The following CALN1 variants were observed in gnomAD, a reference collection of about 807,000 sequenced individuals.
CALN1 encodes calneuron 1.
Under a neutral mutation model 30.6 loss-of-function variants are expected in CALN1, and 17 were observed. The ratio of observed to expected loss-of-function variants is 0.56; its 90% CI spans 0.38 to 0.83. The LOEUF (loss-of-function observed/expected upper bound fraction) is 0.83, where lower values mean the gene tolerates loss of function less well. CALN1 is among the 40% of genes least tolerant of loss of function. The pLI, the probability that CALN1 is intolerant of heterozygous loss-of-function variation, is 0.00. For synonymous variants in CALN1, 156 were observed against 131.4 expected (o/e 1.19, Z -1.28); for missense variants, 291 against 354.9 (o/e 0.82, Z 1.45).
chr7:72,388,953 G>C lies in CALN1; in HGVS notation c.119+14298C>G, dbSNP rs79777147. On this transcript the variant is annotated intron_variant, in intron 2 of 6. Transcript: ENST00000395275. The stretch of plus-strand genomic sequence containing the variant: ...AGCTCTGTGTGGCTGCAGATCGCTG[G>C]GTCTCTATTTTGCCCTCTCTCTAGA... 9.5e-3 allele frequency among the ~76,000 whole-genome samples: 1,450 copies of C among 152,200 alleles called. 23 individuals are homozygous for C. Among genetic ancestry groups the C allele is most frequent in the African/African-American group, 0.033 (1,388 of 41,524 alleles).
chr7:72,144,289 A>G (rs1810183703), intron 3 of CALN1, among the ~76,000 whole-genome samples: 1 of 152,200 alleles, frequency 6.6e-6, no homozygotes, highest in Non-Finnish European at 1.5e-5. Context: ...AGATCTACCA[A>G]GCAAATGGAA....
At chr7:72,308,370 G>C (rs367612510) in intron 2 of CALN1, among the ~76,000 whole-genome samples, 4 of 90,312 alleles carry the variant, frequency 4.4e-5, no homozygotes, top group Middle Eastern at 5.2e-3. Context: ...TCTGTGGGGG[G>C]GGGAGAGAGA....
intron 4 of CALN1, among the ~76,000 whole-genome samples, chr7:72,040,419 T>C (rs1802055667): frequency 6.6e-6 from 1 of 152,228 alleles, no homozygotes; most frequent in African/African-American, 2.4e-5. Flanking sequence ...TGGGAAGTTG[T>C]GGCTGTAGTG....
intron 5 of CALN1, among the ~76,000 whole-genome samples, chr7:71,912,474 C>T (rs764286334): frequency 2.8e-4 from 42 of 152,076 alleles, no homozygotes; most frequent in Non-Finnish European, 5.0e-4. Context: ...ACACAGAAAC[C>T]GGCCACACAC....
chr7:72,374,728 A>G (rs1354332627), intron 2 of CALN1, among the ~76,000 whole-genome samples: 3 of 152,166 alleles, frequency 2.0e-5, no homozygotes, highest in African/African-American at 7.2e-5. Flanking sequence ...ATTATATCCA[A>G]AATTGTTCTG....
chr7:72,323,472 C>G (rs1004469044), intron 2 of CALN1, among the ~76,000 whole-genome samples: 3 of 151,904 alleles, frequency 2.0e-5, no homozygotes, highest in Non-Finnish European at 4.4e-5. Flanking sequence ...CCAGCCTGGC[C>G]AACATAGTGA....
chr7:72,386,554 G>T (rs956423), intron 2 of CALN1, among the ~76,000 whole-genome samples: 4,354 of 152,214 alleles, frequency 0.029, 188 homozygotes, highest in African/African-American at 0.098. Flanking sequence ...ACTGAAGTGG[G>T]GGTTTCCAGT....
upstream of CALN1, among the ~76,000 whole-genome samples, chr7:72,417,200 G>A (rs148129393): frequency 3.5e-4 from 53 of 152,266 alleles, no homozygotes; most frequent in East Asian, 5.2e-3. Flanking sequence ...CTCGCCTCCC[G>A]AGGGAGGACA....
intron 6 of CALN1, among the ~76,000 whole-genome samples, chr7:71,806,768 T>C (rs578215511): frequency 6.6e-6 from 1 of 152,304 alleles, no homozygotes; most frequent in South Asian, 2.1e-4. Flanking sequence ...TTCCACATCC[T>C]GATGGTTTCA....
intron 3 of CALN1, among the ~76,000 whole-genome samples, chr7:72,264,757 T>C (rs1796499871): frequency 6.6e-6 from 1 of 152,178 alleles, no homozygotes; most frequent in Non-Finnish European, 1.5e-5. Context: ...AGGGGTTTGC[T>C]GTACAGGGTT....
chr7:72,188,170 C>A (rs1262284728), intron 3 of CALN1, among the ~76,000 whole-genome samples: 1 of 151,796 alleles, frequency 6.6e-6, no homozygotes, highest in South Asian at 2.1e-4. Flanking sequence ...GATACTGGCA[C>A]ACGCATGTTT....
intron 2 of CALN1, among the ~76,000 whole-genome samples, chr7:72,327,275 C>G (rs1335295967): frequency 6.6e-6 from 1 of 152,176 alleles, no homozygotes; most frequent in Non-Finnish European, 1.5e-5. Context: ...GGGAGAATCA[C>G]TTGAGGTCAG....
chr7:71,923,013 C>T (rs1230981489), intron 5 of CALN1, among the ~76,000 whole-genome samples: 1 of 148,922 alleles, frequency 6.7e-6, no homozygotes, highest in African/African-American at 2.5e-5. Context: ...CTATACTATA[C>T]TATACTATAC....
rs1481345736 is a variant in CALN1 at position 71,914,090 on chromosome 7, G to A, written c.502-103598C>T. Among the ~76,000 whole-genome samples, 3 of 152,256 alleles carry A rather than the reference G, an allele frequency of 2.0e-5. No homozygotes were observed. The East Asian group carries it at 5.8e-4, about 29-fold the overall frequency. ...TTTTAAATTCCGGGGTAAAAGTGCA[G>A]GTTTGTTACATAGGTAAGCTTGTGT... On this transcript the variant is annotated intron_variant, in intron 5 of 6. Coordinates refer to ENST00000395275, the MANE Select transcript of CALN1 (RefSeq NM_031468.4).
At chr7:71,827,098 C>A (rs1419589898) in intron 5 of CALN1, among the ~76,000 whole-genome samples, 1 of 152,196 alleles carries the variant, frequency 6.6e-6, no homozygotes, top group African/African-American at 2.4e-5. Context: ...AGAGCCTGGG[C>A]TCTGTGGAAG....
At chr7:72,420,017 G>T (rs1807555138) in intron 1 of CALN1, among the ~76,000 whole-genome samples, 1 of 152,112 alleles carries the variant, frequency 6.6e-6, no homozygotes, top group South Asian at 2.1e-4. Flanking sequence ...AAGAACTCGG[G>T]TGTCAAAAAG....
At chr7:72,065,918 A>G (rs1803991835) in intron 4 of CALN1, among the ~76,000 whole-genome samples, 1 of 152,094 alleles carries the variant, frequency 6.6e-6, no homozygotes, top group Non-Finnish European at 1.5e-5. Context: ...AAAGAAAAAA[A>G]GAAACAGCAA....
intron 5 of CALN1, among the ~76,000 whole-genome samples, chr7:71,822,796 A>G (rs1389140452): frequency 2.2e-4 from 33 of 152,116 alleles, no homozygotes. Flanking sequence ...TTAATTTGAG[A>G]TTTATGATGA....
chr7:72,303,733 G>T (rs1047488357), intron 2 of CALN1, among the ~76,000 whole-genome samples: 3 of 151,936 alleles, frequency 2.0e-5, no homozygotes, highest in African/African-American at 7.3e-5. Flanking sequence ...CACTAGGTGG[G>T]GTGTGCTGGC....
Sources: allele counts gnomAD v4.1 joint callset (sites outside exome capture counted in the v4.1 genomes callset), GRCh38; gene constraint gnomAD v4.1.1; transcripts MANE v1.5; gene names NCBI Gene and HGNC (gene_info 2026-07-23, HGNC 2026-07-21).